PCDHA7: variants seen among roughly 807,000 people sequenced by gnomAD.
PCDHA7 encodes protocadherin alpha-7.
In PCDHA7, 37 loss-of-function variants were observed where a neutral mutation model predicts 57.2. The observed-to-expected ratio is 0.65, with a 90% CI of 0.50 to 0.85. The LOEUF (loss-of-function observed/expected upper bound fraction) is 0.85, where lower values mean the gene tolerates loss of function less well. Among genes scored for constraint, PCDHA7 ranks in the 40% least tolerant of loss-of-function variants. PCDHA7 has a pLI of 0.00. For synonymous variants in PCDHA7, 553 were observed against 558.8 expected (o/e 0.99, Z 0.15); for missense variants, 1,188 against 1,241.8 (o/e 0.96, Z 0.65).
chr5:140,913,082 C>G (rs2076197049), intron 1 of PCDHA7, among the ~76,000 whole-genome samples: 1 of 152,108 alleles, frequency 6.6e-6, no homozygotes, highest in African/African-American at 2.4e-5. Context: ...TGTTTGGTAT[C>G]AGGATAATAC....
chr5:140,939,488 T>C (rs1554212750), intron 1 of PCDHA7, among the ~76,000 whole-genome samples: 1 of 151,188 alleles, frequency 6.6e-6, no homozygotes, highest in Non-Finnish European at 1.5e-5. Flanking sequence ...AGAATGTTAA[T>C]TATAAATTCA....
rs1489343208 is a variant in PCDHA7 at position 140,835,671 on chromosome 5, G to T, written c.1288G>T (p.Gly430Trp). Residue 430 changes from glycine (G) to tryptophan (W), a missense_variant, in exon 1 of 4, where the codon GGG (glycine) becomes TGG (tryptophan). Gly to Trp is a radical substitution (Grantham distance 184). Transcript: ENST00000525929. ...TGAGCTGGTGGTTACCGCGCGGGAC[G>T]GGGGCTCGCCTTCTCTGTGGGCCAC... ...AYELVVTARD[G>W]GSPSLWATAS... is the part of the protein sequence containing the mutation. The T allele has an allele frequency of 5.0e-6, 8 of 1,613,790 alleles. No individual in the cohort carries two copies. The highest frequency in any genetic ancestry group is 6.8e-6 in the Non-Finnish European group (8 of 1,179,894).
intron 1 of PCDHA7, chr5:140,865,648 T>C (rs769799199): frequency 2.6e-5 from 4 of 152,194 alleles, no homozygotes; most frequent in Non-Finnish European, 4.4e-5. Flanking sequence ...AAATACATTA[T>C]TTCATTTAAT....
intron 1 of PCDHA7, among the ~76,000 whole-genome samples, chr5:140,941,213 TCC>T (rs1491191685): frequency 2.4e-4 from 26 of 106,900 alleles, no homozygotes; most frequent in African/African-American, 9.0e-4. Context: ...CTTTCTTTCT[TCC>T]TTTCTTTCTT....
chr5:140,848,619 G>T lies in PCDHA7; in HGVS notation c.2355+11881G>T, dbSNP rs545024019. The T allele has an allele frequency of 8.2e-6, 13 of 1,593,396 alleles. No homozygotes were observed. The highest frequency in any genetic ancestry group is 5.4e-5 in the African/African-American group (4 of 74,388). On this transcript the variant is annotated intron_variant, in intron 1 of 3. Coordinates refer to ENST00000525929, the MANE Select transcript of PCDHA7 (RefSeq NM_018910.3). ...CTCCGTCCCGGAGGAAGCCGAACAC[G>T]GCACCTTCGTGGGCCGCATCGCGCA...
intron 1 of PCDHA7, among the ~76,000 whole-genome samples, chr5:140,913,844 A>G (rs1554196074): frequency 1.3e-5 from 2 of 152,194 alleles, no homozygotes; most frequent in African/African-American, 2.4e-5. Flanking sequence ...CCCACTGGTC[A>G]TTCAGGAGCA....
intron 1 of PCDHA7, chr5:140,884,540 G>A (rs782638313): frequency 1.9e-6 from 3 of 1,613,998 alleles, no homozygotes; most frequent in South Asian, 2.2e-5. Flanking sequence ...GCGGCCGAGG[G>A]TGTGCTCTGG....
At chr5:140,962,817 G>C (rs555403742) in intron 1 of PCDHA7, among the ~76,000 whole-genome samples, 1 of 152,202 alleles carries the variant, frequency 6.6e-6, no homozygotes, top group Non-Finnish European at 1.5e-5. Flanking sequence ...CATCAGAGAT[G>C]ACCATTTGTC....
At chr5:140,997,465 A>G (rs1427334533) in intron 3 of PCDHA7, among the ~76,000 whole-genome samples, 1 of 152,182 alleles carries the variant, frequency 6.6e-6, no homozygotes, top group Non-Finnish European at 1.5e-5. Flanking sequence ...ACTGTAGGCA[A>G]TTTTTACACA....
At chr5:140,910,907 G>T (rs1554194477) in intron 1 of PCDHA7, among the ~76,000 whole-genome samples, 3 of 152,102 alleles carry the variant, frequency 2.0e-5, no homozygotes, top group Admixed American at 2.0e-4. Flanking sequence ...CTGTCCTCCA[G>T]ATTTTTGCTT....
intron 1 of PCDHA7, among the ~76,000 whole-genome samples, chr5:140,951,398 A>T (rs1428015395): frequency 6.6e-6 from 1 of 152,100 alleles, no homozygotes; most frequent in Non-Finnish European, 1.5e-5. Flanking sequence ...TTATAAAGAA[A>T]AGAGGTTTAA....
chr5:140,853,937 G>A (rs367556947), intron 1 of PCDHA7: 2 of 835,562 alleles, frequency 2.4e-6, no homozygotes, highest in Non-Finnish European at 2.9e-6. Flanking sequence ...GGGAGGCCAA[G>A]GTGGGAGGGT....
intron 3 of PCDHA7, among the ~76,000 whole-genome samples, chr5:141,006,264 T>C (rs2098264343): frequency 6.6e-6 from 1 of 152,148 alleles, no homozygotes; most frequent in Non-Finnish European, 1.5e-5. Flanking sequence ...CAGGCTGGAC[T>C]GCAGTGGCAC....
chr5:141,000,657 A>T (rs1403117310), intron 3 of PCDHA7, among the ~76,000 whole-genome samples: 1 of 151,102 alleles, frequency 6.6e-6, no homozygotes, highest in Non-Finnish European at 1.5e-5. Flanking sequence ...CGAACTCCTG[A>T]CCTCAGGTGA....
At chr5:140,966,899 C>T in intron 1 of PCDHA7, 2 of 1,598,372 alleles carry the variant, frequency 1.3e-6, no homozygotes, top group African/African-American at 1.3e-5. Context: ...CTCCCAGCTG[C>T]GATACTCTGT....
At chr5:140,910,925 TA>T (rs2075234137) in intron 1 of PCDHA7, among the ~76,000 whole-genome samples, 2 of 152,226 alleles carry the variant, frequency 1.3e-5, no homozygotes, top group South Asian at 4.2e-4. Flanking sequence ...CTTATATAAA[TA>T]AGAAAGCTCA....
At chr5:140,871,190 A>G (rs1554165248) in intron 1 of PCDHA7, 9 of 1,613,526 alleles carry the variant, frequency 5.6e-6, no homozygotes, top group Admixed American at 3.3e-5. Flanking sequence ...GTGGATGTCA[A>G]CGTGTACCTG....
intron 1 of PCDHA7, chr5:140,847,418 T>C (rs1171051220): frequency 6.7e-6 from 1 of 149,686 alleles, no homozygotes; most frequent in Non-Finnish European, 1.5e-5. Context: ...CTCACGGTTT[T>C]GCCTTTAGAC....
At chr5:140,882,909 C>A in intron 1 of PCDHA7, 2 of 1,614,172 alleles carry the variant, frequency 1.2e-6, no homozygotes, top group Non-Finnish European at 1.7e-6. Context: ...TTACTGACAG[C>A]CAGTGATGGA....
Sources: gnomAD v4.1 joint callset for allele counts (sites outside exome capture counted in the v4.1 genomes callset) on GRCh38, gnomAD v4.1.1 for gene constraint, MANE v1.5 for transcripts, NCBI Gene and HGNC (gene_info 2026-07-23, HGNC 2026-07-21) for gene names.